QTMAN: variants seen among roughly 807,000 people sequenced by gnomAD.
The protein encoded by QTMAN is tRNA-queuosine alpha-mannosyltransferase.
the QTMAN span, among the ~76,000 whole-genome samples, chr2:144,076,255 A>G: frequency 6.6e-6 from 1 of 152,152 alleles, no homozygotes; most frequent in African/African-American, 2.4e-5. Flanking sequence ...TCAAAAGAAA[A>G]AAGAAAAGAA....
the QTMAN span, among the ~76,000 whole-genome samples, chr2:144,057,300 C>A: frequency 2.6e-5 from 4 of 152,190 alleles, no homozygotes; most frequent in East Asian, 7.7e-4. Context: ...ATCCAACCAT[C>A]CATTTATTCA....
At chr2:143,942,892 A>T in the QTMAN span, 1 of 155,078 alleles carries the variant, frequency 6.4e-6, no homozygotes, top group Non-Finnish European at 1.5e-5. Context: ...TGATAGCAAA[A>T]CTAGTAACAT....
chr2:144,070,345 C>G, the QTMAN span, among the ~76,000 whole-genome samples: 1 of 152,028 alleles, frequency 6.6e-6, no homozygotes, highest in Non-Finnish European at 1.5e-5. Flanking sequence ...TTTAGGGACT[C>G]TAATTTTCTA....
the QTMAN span, among the ~76,000 whole-genome samples, chr2:144,288,994 A>G: frequency 6.7e-6 from 1 of 149,198 alleles, no homozygotes; most frequent in Non-Finnish European, 1.5e-5. Context: ...GATTCAAACT[A>G]TATTAAGAAA....
the QTMAN span, among the ~76,000 whole-genome samples, chr2:144,244,063 G>C: frequency 6.6e-6 from 1 of 152,158 alleles, no homozygotes; most frequent in African/African-American, 2.4e-5. Flanking sequence ...GGTCCTAAAA[G>C]TTAACAGTCA....
the QTMAN span, among the ~76,000 whole-genome samples, chr2:144,325,140 C>G: frequency 6.6e-6 from 1 of 152,210 alleles, no homozygotes; most frequent in African/African-American, 2.4e-5. Context: ...GAGAAGGAAT[C>G]ACGGTTCATC....
chr2:144,148,172 T>C, the QTMAN span, among the ~76,000 whole-genome samples: 1 of 151,836 alleles, frequency 6.6e-6, no homozygotes, highest in African/African-American at 2.4e-5. Context: ...TGCAGTTATG[T>C]AGGAGAATAT....
the QTMAN span, among the ~76,000 whole-genome samples, chr2:144,102,821 C>T: frequency 6.6e-6 from 1 of 152,142 alleles, no homozygotes; most frequent in East Asian, 1.9e-4. Context: ...CAAAATTAAG[C>T]AGTAGAATCC....
the QTMAN span, among the ~76,000 whole-genome samples, chr2:143,948,098 C>G: frequency 6.6e-6 from 1 of 152,136 alleles, no homozygotes; most frequent in Admixed American, 6.5e-5. Context: ...TTATTCAAAT[C>G]TAGAGTTTAA....
At chr2:144,285,289 T>C in the QTMAN span, among the ~76,000 whole-genome samples, 1 of 152,158 alleles carries the variant, frequency 6.6e-6, no homozygotes, top group African/African-American at 2.4e-5. Flanking sequence ...CCTAAAAAAG[T>C]TTCTTAATTT....
At chr2:144,079,715 C>CA in the QTMAN span, among the ~76,000 whole-genome samples, 1 of 151,776 alleles carries the variant, frequency 6.6e-6, no homozygotes, top group African/African-American at 2.4e-5. Context: ...ATGATTCACA[C>CA]AAAAAAATGA....
chr2:144,135,456 A>AG, the QTMAN span, among the ~76,000 whole-genome samples: 29 of 152,310 alleles, frequency 1.9e-4, no homozygotes, highest in African/African-American at 7.0e-4. Flanking sequence ...GCCTGAGCCC[A>AG]CAGCTGTTTC....
At chr2:144,105,924 T>C in the QTMAN span, among the ~76,000 whole-genome samples, 3 of 152,124 alleles carry the variant, frequency 2.0e-5, no homozygotes, top group Non-Finnish European at 4.4e-5. Context: ...AACTCTACAA[T>C]CCAGAAGAGA....
At chr2:144,008,732 C>T in the QTMAN span, among the ~76,000 whole-genome samples, 1 of 152,022 alleles carries the variant, frequency 6.6e-6, no homozygotes, top group Non-Finnish European at 1.5e-5. Context: ...AGTAATATCA[C>T]ATTATTGAAA....
At chr2:144,227,130 G>A in the QTMAN span, among the ~76,000 whole-genome samples, 1 of 152,062 alleles carries the variant, frequency 6.6e-6, no homozygotes, top group South Asian at 2.1e-4. Flanking sequence ...GCCATATGAC[G>A]CTTCCAAGGA....
chr2:144,125,999 G>T, the QTMAN span, among the ~76,000 whole-genome samples: 1 of 152,042 alleles, frequency 6.6e-6, no homozygotes, highest in Admixed American at 6.6e-5. Flanking sequence ...CACGTATGGA[G>T]AAAGAGATCA....
the QTMAN span, chr2:143,957,049 A>G: frequency 3.5e-6 from 2 of 568,912 alleles, no homozygotes; most frequent in South Asian, 5.0e-5. Context: ...ATCACCAAAA[A>G]GTATAGTACA....
the QTMAN span, among the ~76,000 whole-genome samples, chr2:144,094,272 G>A: frequency 6.6e-6 from 1 of 152,100 alleles, no homozygotes; most frequent in East Asian, 1.9e-4. Context: ...TACAAATTCA[G>A]TTAACTAATT....
the QTMAN span, among the ~76,000 whole-genome samples, chr2:144,260,895 A>G: frequency 6.6e-6 from 1 of 152,052 alleles, no homozygotes; most frequent in Non-Finnish European, 1.5e-5. Context: ...AAAAAAAAAG[A>G]AAAAGGAGGT....
Sources: allele counts gnomAD v4.1 joint callset (sites outside exome capture counted in the v4.1 genomes callset), GRCh38; gene constraint gnomAD v4.1.1; transcripts MANE v1.5; gene names NCBI Gene and HGNC (gene_info 2026-07-23, HGNC 2026-07-21).